Variants in DYNC1I1 observed in about 807,000 individuals in gnomAD.
DYNC1I1 encodes the protein dynein cytoplasmic 1 intermediate chain 1.
In DYNC1I1, 43 loss-of-function variants were observed where a neutral mutation model predicts 86.6. The observed-to-expected ratio is 0.50, with a 90% confidence interval of 0.39 to 0.64. DYNC1I1 has a LOEUF of 0.64. Among genes scored for constraint, DYNC1I1 ranks in the 30% least tolerant of loss-of-function variants. The pLI is 0.00. For missense variants in DYNC1I1, 604 were observed against 788.8 expected, an observed-to-expected ratio of 0.77 and a Z score of 2.81; for synonymous variants, 262 against 283.7, an observed-to-expected ratio of 0.92 and a Z score of 0.77.
At chr7:96,102,162 G>A (rs187044180), downstream of DYNC1I1, among the ~76,000 whole-genome samples, 2 of 152,202 alleles carry the variant, frequency 1.3e-5, no homozygotes, top group African/African-American at 4.8e-5. Context: ...AACAAGATCA[G>A]AAACAGTTTA....
chr7:96,084,427 CTTTTT>C (rs1232358476), intron 16 of DYNC1I1, among the ~76,000 whole-genome samples: 1 of 139,390 alleles, frequency 7.2e-6, no homozygotes, highest in Admixed American at 7.5e-5. Context: ...ACCTGTTTCT[CTTTTT>C]TTTTCTTTTC....
intron 14 of DYNC1I1, among the ~76,000 whole-genome samples, chr7:96,065,520 G>A (rs1268230895): frequency 6.6e-6 from 1 of 151,804 alleles, no homozygotes; most frequent in Non-Finnish European, 1.5e-5. Flanking sequence ...TGGGACTACA[G>A]GCATTCATCA....
Position 95,929,019 on chromosome 7 carries a change from A to G in DYNC1I1, c.491-48493A>G, listed in dbSNP as rs918130829. On this transcript the variant is annotated intron_variant, in intron 6 of 16. Coordinates refer to ENST00000447467, the MANE Select transcript of DYNC1I1 (RefSeq NM_001135556.2). ...TGTTCAAGATACTCCTCGTTTGAAG[A>G]TAAGAGTCCTGCAACTGGGTACGAG... is the stretch of plus-strand genomic sequence containing the variant. Among the ~76,000 whole-genome samples, 3 of 152,316 alleles carry G rather than the reference A, an allele frequency of 2.0e-5. No homozygotes were observed. In the East Asian group the frequency reaches 5.8e-4, roughly 29 times the overall value.
chr7:95,977,403 T>A (rs2115632352), intron 6 of DYNC1I1, 109 bp from the exon 7 acceptor site: 1 of 842,756 alleles, frequency 1.2e-6, no homozygotes, highest in Non-Finnish European at 1.8e-6. Context: ...TACTTAGATG[T>A]TGCCCTAAAT....
intron 6 of DYNC1I1, among the ~76,000 whole-genome samples, chr7:95,943,429 G>A (rs948227514): frequency 7.3e-5 from 11 of 151,380 alleles, no homozygotes; most frequent in African/African-American, 1.7e-4. Context: ...AATCAATATC[G>A]TGAAAATGGC....
At chr7:96,093,796 A>G (rs1239942245) in intron 16 of DYNC1I1, among the ~76,000 whole-genome samples, 1 of 152,090 alleles carries the variant, frequency 6.6e-6, no homozygotes, top group African/African-American at 2.4e-5. Context: ...CCTTAATTGA[A>G]CTATACATTT....
intron 10 of DYNC1I1, among the ~76,000 whole-genome samples, chr7:96,020,647 A>T (rs1794523637): frequency 6.6e-6 from 1 of 152,208 alleles, no homozygotes. Flanking sequence ...TTGCATTTCC[A>T]CTTACAAGTA....
intron 10 of DYNC1I1, among the ~76,000 whole-genome samples, chr7:95,996,369 C>T (rs954840010): frequency 5.3e-5 from 8 of 152,182 alleles, no homozygotes; most frequent in Non-Finnish European, 1.2e-4. Flanking sequence ...TGTACCACTT[C>T]CTCTGCTTAA....
At chr7:95,967,604 G>A (rs1372786057) in intron 6 of DYNC1I1, among the ~76,000 whole-genome samples, 1 of 152,068 alleles carries the variant, frequency 6.6e-6, no homozygotes, top group Non-Finnish European at 1.5e-5. Flanking sequence ...CTGTGTTTTT[G>A]TTGTTAGTGA....
intron 10 of DYNC1I1, among the ~76,000 whole-genome samples, chr7:96,024,535 G>A (rs1004094839): frequency 1.3e-5 from 2 of 151,976 alleles, no homozygotes; most frequent in East Asian, 1.9e-4. Flanking sequence ...AGTATAACAA[G>A]GCAAGGAAAC....
Position 95,832,465 on chromosome 7 carries a change from G to A in DYNC1I1, c.374+4349G>A, listed in dbSNP as rs1366123899. Reference sequence around the variant, plus strand: ...TGTCTTTATAGCAGCATGATTTATAGTCCTTTGGATATATACCCAGTAATG... The same window carrying A: ...TGTCTTTATAGCAGCATGATTTATAATCCTTTGGATATATACCCAGTAATG... On this transcript the variant is annotated intron_variant, in intron 5 of 16. Transcript: ENST00000447467. Among the ~76,000 whole-genome samples the A allele has an allele frequency of 3.3e-5, 5 of 151,794 alleles. No individual in the cohort carries two copies. In the East Asian group the frequency reaches 7.8e-4, roughly 24 times the overall value.
intron 10 of DYNC1I1, among the ~76,000 whole-genome samples, chr7:95,996,529 G>C (rs370541207): frequency 6.6e-6 from 1 of 152,176 alleles, no homozygotes; most frequent in African/African-American, 2.4e-5. Flanking sequence ...TTTGTAGCTG[G>C]CATGGGGCAA....
intron 6 of DYNC1I1, among the ~76,000 whole-genome samples, chr7:95,973,388 T>C (rs28417301): frequency 0.012 from 1,812 of 152,322 alleles, 32 homozygotes; most frequent in African/African-American, 0.042. Context: ...CAAAGAATTC[T>C]GTGACCACTA....
At chr7:95,844,734 T>C (rs1268971414) in intron 5 of DYNC1I1, among the ~76,000 whole-genome samples, 1 of 152,096 alleles carries the variant, frequency 6.6e-6, no homozygotes. Context: ...GTCCAGGGTC[T>C]GGGTGGTGCC....
chr7:96,091,981 C>A (rs1790861857), intron 16 of DYNC1I1, among the ~76,000 whole-genome samples: 1 of 152,060 alleles, frequency 6.6e-6, no homozygotes, highest in Non-Finnish European at 1.5e-5. Flanking sequence ...TGTATAGTTA[C>A]AATAAATACT....
At chr7:96,018,824 A>G (rs1441672826) in intron 10 of DYNC1I1, among the ~76,000 whole-genome samples, 5 of 152,206 alleles carry the variant, frequency 3.3e-5, no homozygotes, top group African/African-American at 4.8e-5. Context: ...ACACGATTCC[A>G]TAAGGGAAAT....
In DYNC1I1 at chr7:95,828,133, T is replaced by C. The variant is rs958017368; in HGVS notation, c.374+17T>C. The C allele has an allele frequency of 6.2e-7, 1 of 1,613,466 alleles. No individual in the cohort carries two copies. Among genetic ancestry groups the C allele is most frequent in the Non-Finnish European group, 8.5e-7 (1 of 1,179,444 alleles). On this transcript the variant is annotated intron_variant, in intron 5 of 16. Coordinates refer to ENST00000447467, the MANE Select transcript of DYNC1I1 (RefSeq NM_001135556.2). Reference sequence around the variant, plus strand: ...AGAACTTGGGTATATGTCTGCTCTTTTGTTACTCCTTTTATTATTTCTTTG... The same window carrying C: ...AGAACTTGGGTATATGTCTGCTCTTCTGTTACTCCTTTTATTATTTCTTTG...
intron 12 of DYNC1I1, among the ~76,000 whole-genome samples, chr7:96,033,055 G>A (rs1389196226): frequency 2.6e-5 from 4 of 152,216 alleles, no homozygotes; most frequent in Non-Finnish European, 4.4e-5. Context: ...AATTATGGAA[G>A]TTGCCTATGG....
chr7:95,908,591 G>A (rs971871547), intron 6 of DYNC1I1, among the ~76,000 whole-genome samples: 8 of 151,974 alleles, frequency 5.3e-5, no homozygotes, highest in African/African-American at 1.9e-4. Flanking sequence ...TAATCTGTAG[G>A]ATTTAGCATT....
Sources: allele counts gnomAD v4.1 joint callset (sites outside exome capture counted in the v4.1 genomes callset), GRCh38; gene constraint gnomAD v4.1.1; transcripts MANE v1.5; gene names NCBI Gene and HGNC (gene_info 2026-07-23, HGNC 2026-07-21).